UCHL3: variants seen among roughly 807,000 people sequenced by gnomAD.
The protein encoded by UCHL3 is ubiquitin C-terminal hydrolase L3.
UCHL3 carries 22 observed loss-of-function variants against 35.8 expected under a neutral mutation model. The observed-to-expected ratio is 0.61, with a 90% CI of 0.44 to 0.88. The LOEUF (loss-of-function observed/expected upper bound fraction) is 0.88, where lower values mean the gene tolerates loss of function less well. Among genes scored for constraint, UCHL3 ranks in the 40% least tolerant of loss-of-function variants. The pLI, the probability that UCHL3 is intolerant of heterozygous loss-of-function variation, is 0.00. For missense variants in UCHL3, 229 were observed against 276.9 expected (o/e 0.83, Z 1.23); for synonymous variants, 90 against 92.8 (o/e 0.97, Z 0.17).
At chr13:75,587,225 G>T (rs1392038019) in intron 6 of UCHL3, among the ~76,000 whole-genome samples, 1 of 151,848 alleles carries the variant, frequency 6.6e-6, no homozygotes, top group East Asian at 1.9e-4. Context: ...TTTTTAAATA[G>T]AAAATGATTT....
At chr13:75,564,517 T>C (rs923997365) in intron 3 of UCHL3, among the ~76,000 whole-genome samples, 8 of 152,170 alleles carry the variant, frequency 5.3e-5, no homozygotes, top group African/African-American at 1.9e-4. Context: ...CCTTTGGATA[T>C]GAATTGCTGG....
chr13:75,563,864 G>T lies in UCHL3; in HGVS notation c.184-2831G>T, dbSNP rs2031596047. On this transcript the variant is annotated intron_variant, in intron 3 of 8. Transcript: ENST00000377595. ...ATTTCACTTAGTATAATGTCCTTCA[G>T]GTTCATCCATGTAGCAAATGTTAGG... Among the ~76,000 whole-genome samples, 2 of 151,586 alleles carry T rather than the reference G, an allele frequency of 1.3e-5. 1 individual carries two copies. The highest frequency in any genetic ancestry group is 4.9e-5 in the African/African-American group (2 of 41,170).
intron 5 of UCHL3, 92 bp from the exon 6 acceptor site, chr13:75,569,368 G>T (rs1289752971): frequency 2.7e-5 from 25 of 922,614 alleles, no homozygotes; most frequent in Non-Finnish European, 3.6e-5. Context: ...TTCTTTAGAA[G>T]ACTTTAGGTG....
Position 75,563,127 on chromosome 13 carries a change from TTATGTATG to T in UCHL3, c.183+2278_183+2285del, listed in dbSNP as rs1215333452. Among the ~76,000 whole-genome samples, 555 of 56,408 alleles carry T rather than the reference TTATGTATG, an allele frequency of 9.8e-3. 1 individual carries two copies. The highest frequency in any genetic ancestry group is 0.019 in the African/African-American group (482 of 25,690). The allele number at this position is 56,408 out of a possible 152,430, so 37.0% of individuals were successfully genotyped here. ...ACTGTCATGGGTACCTCATTATCCT[TTATGTATG>T]TATGTATGTATGTATGTATGTATGT... is the stretch of plus-strand genomic sequence containing the variant. On this transcript the variant is annotated intron_variant, in intron 3 of 8. Coordinates refer to ENST00000377595, the MANE Select transcript of UCHL3 (RefSeq NM_006002.5).
chr13:75,560,951 G>A (rs1427546929), intron 3 of UCHL3, 70 bp downstream of exon 3: 50 of 1,397,278 alleles, frequency 3.6e-5, no homozygotes, highest in Non-Finnish European at 4.4e-5. Flanking sequence ...TATTTTTTGA[G>A]GCAGTATCTC....
chr13:75,567,227 A>C lies in UCHL3; in HGVS notation c.341A>C (p.Glu114Ala), dbSNP rs1412356623. 2 of 1,613,920 alleles carry C rather than the reference A, an allele frequency of 1.2e-6. No homozygotes were observed. Among genetic ancestry groups the C allele is most frequent in the South Asian group, 2.2e-5 (2 of 91,060 alleles). The change falls in exon 5 of 9, where the codon GAA becomes GCA. Residue 114 changes from glutamate (E) to alanine (A), a missense_variant and splice_region_variant. Transcript: ENST00000377595. ...IANNKDKMHF[E>A]SGSTLKKFLE... ...ATTTTATCTTCTTTCATATTCTCAG[A>C]ATCTGGATCAACCTTGAAAAAATTC...
intron 6 of UCHL3, among the ~76,000 whole-genome samples, chr13:75,581,347 CTTT>C (rs11310964): frequency 8.1e-5 from 11 of 135,104 alleles, no homozygotes; most frequent in Non-Finnish European, 7.9e-5. Flanking sequence ...CACTTGATTT[CTTT>C]TTTTTTTTTT....
chr13:75,578,538 T>C (rs969503302), intron 6 of UCHL3, among the ~76,000 whole-genome samples: 2 of 152,144 alleles, frequency 1.3e-5, no homozygotes, highest in African/African-American at 4.8e-5. Context: ...TCTTCAAAGA[T>C]CTTTTACTTC....
At chr13:75,563,294 G>A (rs537443765) in intron 3 of UCHL3, among the ~76,000 whole-genome samples, 1 of 152,260 alleles carries the variant, frequency 6.6e-6, no homozygotes, top group Non-Finnish European at 1.5e-5. Flanking sequence ...TTCTGCCTCA[G>A]TCTCTGGAGT....
At chr13:75,550,104 C>T (rs1327007324) in intron 2 of UCHL3, 117 bp downstream of exon 2, 3 of 1,517,828 alleles carry the variant, frequency 2.0e-6, no homozygotes, top group African/African-American at 2.7e-5. Context: ...TTCTTGAGGG[C>T]CCCTCTTGTT....
At chr13:75,562,230 A>C (rs1222526072) in intron 3 of UCHL3, among the ~76,000 whole-genome samples, 1 of 152,216 alleles carries the variant, frequency 6.6e-6, no homozygotes, top group African/African-American at 2.4e-5. Flanking sequence ...TAACATTGAA[A>C]ATTTTTTCTC....
At chr13:75,564,896 A>C (rs2031635991) in intron 3 of UCHL3, among the ~76,000 whole-genome samples, 1 of 151,998 alleles carries the variant, frequency 6.6e-6, no homozygotes, top group South Asian at 2.1e-4. Flanking sequence ...GGGTTTCACC[A>C]TGTTAGCCTG....
At chr13:75,591,431 C>A (rs74094454) in intron 6 of UCHL3, among the ~76,000 whole-genome samples, 7,866 of 152,182 alleles carry the variant, frequency 0.052, 677 homozygotes, top group African/African-American at 0.18. Context: ...AACTAAATGA[C>A]CAGGGTAGAA....
chr13:75,550,906 G>C (rs936831743), intron 2 of UCHL3, among the ~76,000 whole-genome samples: 2 of 152,134 alleles, frequency 1.3e-5, no homozygotes, highest in African/African-American at 4.8e-5. Flanking sequence ...GACATCCTCT[G>C]TCTTGCTCTC....
At chr13:75,577,577 A>G (rs1023230393) in intron 6 of UCHL3, among the ~76,000 whole-genome samples, 3 of 152,192 alleles carry the variant, frequency 2.0e-5, no homozygotes. Context: ...TTTCTGAATA[A>G]CTGTAGAATA....
At chr13:75,554,111 G>A (rs1177493960) in intron 2 of UCHL3, among the ~76,000 whole-genome samples, 1 of 151,988 alleles carries the variant, frequency 6.6e-6, no homozygotes, top group East Asian at 1.9e-4. Flanking sequence ...AGGCAGGCTG[G>A]ATTACAGTGG....
intron 6 of UCHL3, among the ~76,000 whole-genome samples, chr13:75,571,687 G>A (rs1237933850): frequency 6.6e-6 from 1 of 152,102 alleles, no homozygotes. Flanking sequence ...TTTTCTAGGG[G>A]TTTCCTAGTG....
intron 2 of UCHL3, among the ~76,000 whole-genome samples, chr13:75,558,487 T>C (rs2031368283): frequency 6.6e-6 from 1 of 152,228 alleles, no homozygotes; most frequent in African/African-American, 2.4e-5. Context: ...GTTTTATAAC[T>C]TTATAACAGG....
intron 2 of UCHL3, among the ~76,000 whole-genome samples, chr13:75,560,334 A>G (rs1433803601): frequency 6.6e-6 from 1 of 152,222 alleles, no homozygotes; most frequent in African/African-American, 2.4e-5. Context: ...ACTTATATGT[A>G]TTTGATGAAG....
Sources: allele counts gnomAD v4.1 joint callset (sites outside exome capture counted in the v4.1 genomes callset), GRCh38; gene constraint gnomAD v4.1.1; transcripts MANE v1.5; gene names NCBI Gene and HGNC (gene_info 2026-07-23, HGNC 2026-07-21).